The following TMED3 variants were observed in gnomAD, a reference collection of about 807,000 sequenced individuals.
The protein encoded by TMED3 is transmembrane p24 trafficking protein 3, also known as transmembrane emp24 domain-containing protein 3.
TMED3 carries 9 observed loss-of-function variants against 15.0 expected under a neutral mutation model. The observed-to-expected ratio is 0.60, with a 90% CI of 0.36 to 1.04. The LOEUF is 1.04. TMED3 is among the 50% of genes least tolerant of loss of function. TMED3 has a pLI of 0.01. For missense variants in TMED3, 267 were observed against 278.9 expected (o/e 0.96, Z 0.30); for synonymous variants, 117 against 121.4 (o/e 0.96, Z 0.24).
intron 2 of TMED3, among the ~76,000 whole-genome samples, chr15:79,347,817 G>A (rs558133469): frequency 1.3e-5 from 2 of 152,224 alleles, no homozygotes; most frequent in South Asian, 4.1e-4. Context: ...TAGGAATACA[G>A]CTAGCCAGGG....
chr15:79,368,349 AG>A (rs1242304127), intron 2 of TMED3, among the ~76,000 whole-genome samples: 1 of 152,134 alleles, frequency 6.6e-6, no homozygotes, highest in Admixed American at 6.5e-5. Context: ...TGCTGGCAGC[AG>A]ATTGGAAGTT....
chr15:79,370,022 G>T (rs1893306688), intron 2 of TMED3, among the ~76,000 whole-genome samples: 3 of 152,230 alleles, frequency 2.0e-5, no homozygotes. Context: ...GGAGAGTTCT[G>T]TCTTGGAGAA....
downstream of TMED3, chr15:79,322,889 A>G (rs930083613): frequency 1.2e-5 from 12 of 985,514 alleles, no homozygotes; most frequent in Non-Finnish European, 1.3e-5. Context: ...TCCAGAGCTT[A>G]CTGCAGAGCA....
intron 2 of TMED3, among the ~76,000 whole-genome samples, chr15:79,392,448 T>C (rs1893709125): frequency 6.6e-6 from 1 of 152,192 alleles, no homozygotes; most frequent in Non-Finnish European, 1.5e-5. Flanking sequence ...TCCTTCTAGC[T>C]TGTAGGGTTT....
At chr15:79,393,188 GGTC>G in intron 2 of TMED3, among the ~76,000 whole-genome samples, 1 of 152,096 alleles carries the variant, frequency 6.6e-6, no homozygotes, top group African/African-American at 2.4e-5. Flanking sequence ...TGGAGGGTAA[GGTC>G]AAAAACATCT....
intron 2 of TMED3, among the ~76,000 whole-genome samples, chr15:79,341,144 C>T (rs956445863): frequency 4.9e-5 from 6 of 121,714 alleles, no homozygotes; most frequent in Admixed American, 1.2e-4. Flanking sequence ...CAGTGAGCTG[C>T]GATCATGCCA....
At chr15:79,380,600 T>A (rs55655315) in intron 2 of TMED3, among the ~76,000 whole-genome samples, 1 of 146,572 alleles carries the variant, frequency 6.8e-6, no homozygotes. Flanking sequence ...TATATATATA[T>A]AGAGAGAGAG....
chr15:79,312,644 T>A (rs1214273226), intron 1 of TMED3, among the ~76,000 whole-genome samples: 1 of 152,192 alleles, frequency 6.6e-6, no homozygotes, highest in Non-Finnish European at 1.5e-5. Context: ...ATTGCCTACC[T>A]GTGAGATTTT....
downstream of TMED3, chr15:79,322,991 T>A: frequency 1.3e-6 from 1 of 755,898 alleles, no homozygotes; most frequent in Non-Finnish European, 1.6e-6. Context: ...GGGCAAGAAA[T>A]GACTCCTCCC....
chr15:79,403,386 G>T (rs1237757806), intron 2 of TMED3, among the ~76,000 whole-genome samples: 1 of 152,008 alleles, frequency 6.6e-6, no homozygotes, highest in Non-Finnish European at 1.5e-5. Context: ...AGTCTAGGTT[G>T]CTTGGCTGGT....
At chr15:79,338,594 T>G (rs1054955160) in intron 2 of TMED3, among the ~76,000 whole-genome samples, 1 of 152,230 alleles carries the variant, frequency 6.6e-6, no homozygotes, top group African/African-American at 2.4e-5. Context: ...ATCTTAGATA[T>G]GATTATATAT....
chr15:79,330,239 A>G (rs1044952341), intron 2 of TMED3, among the ~76,000 whole-genome samples: 1 of 152,226 alleles, frequency 6.6e-6, no homozygotes, highest in African/African-American at 2.4e-5. Context: ...TCAAGGAGCA[A>G]TTCAAATTGT....
intron 2 of TMED3, among the ~76,000 whole-genome samples, chr15:79,398,124 C>T (rs1320506749): frequency 6.6e-6 from 1 of 152,144 alleles, no homozygotes; most frequent in Admixed American, 6.5e-5. Context: ...CTAAAAACCT[C>T]TGCGCTCTAC....
intron 2 of TMED3, among the ~76,000 whole-genome samples, chr15:79,316,538 G>A (rs982943926): frequency 2.6e-5 from 4 of 152,238 alleles, no homozygotes. Flanking sequence ...GGGGAGGCCT[G>A]ATGAGGTGAG....
At chr15:79,402,279 C>G (rs775331556) in intron 2 of TMED3, among the ~76,000 whole-genome samples, 7 of 152,164 alleles carry the variant, frequency 4.6e-5, no homozygotes, top group Non-Finnish European at 8.8e-5. Context: ...CCCATGGGTC[C>G]AGTTATCTTA....
At chr15:79,410,676 ATATATGTG>A (rs1266657147) in intron 2 of TMED3, among the ~76,000 whole-genome samples, 4 of 146,150 alleles carry the variant, frequency 2.7e-5, no homozygotes, top group Admixed American at 2.1e-4. Context: ...TGTGAAATAT[ATATATGTG>A]TATATGTGTG....
chr15:79,385,091 T>C (rs57342854), intron 2 of TMED3, among the ~76,000 whole-genome samples: 4 of 152,060 alleles, frequency 2.6e-5, no homozygotes, highest in Admixed American at 6.5e-5. Context: ...GGTGAGTGAT[T>C]GTGTGACCCT....
intron 2 of TMED3, among the ~76,000 whole-genome samples, chr15:79,342,872 AAAG>A (rs1387785042): frequency 6.6e-6 from 1 of 152,244 alleles, no homozygotes; most frequent in Non-Finnish European, 1.5e-5. Flanking sequence ...ATAAACAGAT[AAAG>A]TAGTAAATGT....
chr15:79,369,271 T>A (rs1893293794), intron 2 of TMED3, among the ~76,000 whole-genome samples: 1 of 152,088 alleles, frequency 6.6e-6, no homozygotes, highest in African/African-American at 2.4e-5. Context: ...GGGGGTTGCC[T>A]CGAGAGATAA....
Sources: gnomAD v4.1 joint callset for allele counts (sites outside exome capture counted in the v4.1 genomes callset) on GRCh38, gnomAD v4.1.1 for gene constraint, MANE v1.5 for transcripts, NCBI Gene and HGNC (gene_info 2026-07-23, HGNC 2026-07-21) for gene names.